VPS54: variants seen among roughly 807,000 people sequenced by gnomAD.
VPS54 encodes the protein vacuolar protein sorting-associated protein 54.
VPS54 carries 45 observed loss-of-function variants against 121.5 expected under a neutral mutation model. The observed-to-expected ratio is 0.37, with a 90% CI of 0.29 to 0.47. The LOEUF is 0.47. VPS54 is among the 20% of genes least tolerant of loss of function. VPS54 has a pLI of 0.99. For synonymous variants in VPS54, 371 were observed against 385.8 expected, an observed-to-expected ratio of 0.96 and a Z score of 0.45; for missense variants, 1,090 against 1,131.4, an observed-to-expected ratio of 0.96 and a Z score of 0.52.
At chr2:63,900,594 G>T (rs1163562640) in intron 20 of VPS54, among the ~76,000 whole-genome samples, 1 of 152,166 alleles carries the variant, frequency 6.6e-6, no homozygotes, top group African/African-American at 2.4e-5. Context: ...GTTCCAAAAA[G>T]TGGACAAGGA....
chr2:63,934,672 TAAAAAC>T (rs1674371322), intron 11 of VPS54, among the ~76,000 whole-genome samples: 1 of 150,646 alleles, frequency 6.6e-6, no homozygotes, highest in Non-Finnish European at 1.5e-5. Flanking sequence ...TGTAAAAAAA[TAAAAAC>T]AAAAAACAAA....
intron 6 of VPS54, among the ~76,000 whole-genome samples, chr2:63,965,114 T>TA (rs1675932972): frequency 6.6e-6 from 1 of 152,136 alleles, no homozygotes; most frequent in South Asian, 2.1e-4. Context: ...TAATCATCCC[T>TA]AGGTGAAAAT....
chr2:63,943,096 G>T (rs935971325), intron 10 of VPS54, among the ~76,000 whole-genome samples: 4 of 152,160 alleles, frequency 2.6e-5, no homozygotes, highest in African/African-American at 7.2e-5. Flanking sequence ...CCTACCTTAT[G>T]TGGTTGTTGT....
chr2:63,909,483 G>A (rs545535077), intron 20 of VPS54, among the ~76,000 whole-genome samples: 146 of 132,494 alleles, frequency 1.1e-3, no homozygotes, highest in African/African-American at 3.9e-3. Context: ...GTGCAGTGGC[G>A]TGATCTTGGC....
chr2:63,958,961 TTTC>T (rs1319379629), intron 7 of VPS54, among the ~76,000 whole-genome samples: 1 of 152,184 alleles, frequency 6.6e-6, no homozygotes, highest in African/African-American at 2.4e-5. Context: ...AAGTAGAATA[TTTC>T]TTATTTCCTA....
At chr2:63,939,757 T>C (rs1674633740) in intron 11 of VPS54, among the ~76,000 whole-genome samples, 1 of 140,856 alleles carries the variant, frequency 7.1e-6, no homozygotes, top group Admixed American at 7.6e-5. Flanking sequence ...TAAGTACATC[T>C]ACATCTTGCC....
At chr2:63,943,627 T>A (rs1237995399) in intron 10 of VPS54, among the ~76,000 whole-genome samples, 1 of 152,182 alleles carries the variant, frequency 6.6e-6, no homozygotes, top group Non-Finnish European at 1.5e-5. Flanking sequence ...CTAAAAACAT[T>A]TAAATATCCA....
chr2:63,964,768 T>C (rs530515292), intron 6 of VPS54, among the ~76,000 whole-genome samples: 2 of 152,328 alleles, frequency 1.3e-5, no homozygotes, highest in Admixed American at 6.5e-5. Context: ...CCTGATATTA[T>C]TGATGTCTTC....
At position 63,962,210 on chromosome 2, in the gene VPS54, T is replaced by C. The variant is rs1675802489; in HGVS notation, c.858A>G (p.Val286=). ...TGGCCATTAACTTCAGCTTATTGTATACTTTAACACAATTATTTCTGGTAA... is the reference window on the plus strand; with the variant it reads ...TGGCCATTAACTTCAGCTTATTGTACACTTTAACACAATTATTTCTGGTAA... The part of the protein sequence containing the change: ...LALTRNNCVK[V]YNKLKLMATV... The change falls in exon 7 of 23, where the codon GTA becomes GTG. Residue 286 remains valine (V), a synonymous_variant. Transcript: ENST00000272322. 1.2e-6 allele frequency: 2 copies of C among 1,613,948 alleles called. No individual in the cohort carries two copies. The highest frequency in any genetic ancestry group is 1.7e-6 in the Non-Finnish European group (2 of 1,179,922).
chr2:63,942,732 T>A (rs2104511286), intron 10 of VPS54, among the ~76,000 whole-genome samples, 171 bp from the exon 11 acceptor site: 1 of 152,270 alleles, frequency 6.6e-6, no homozygotes, highest in East Asian at 1.9e-4. Context: ...TATGGCTTAT[T>A]TAAATATTTT....
At chr2:63,949,561 G>C (rs756571545) in intron 7 of VPS54, among the ~76,000 whole-genome samples, 1 of 152,078 alleles carries the variant, frequency 6.6e-6, no homozygotes, top group Non-Finnish European at 1.5e-5. Flanking sequence ...TAAAGCTAGA[G>C]AAAATATGGT....
rs1675969982 is a variant in VPS54 at position 63,965,872 on chromosome 2, T to C, written c.587A>G (p.Asn196Ser). The change falls in exon 6 of 23, where the codon AAT becomes AGT. Residue 196 changes from asparagine (N) to serine (S), a missense_variant. Asn to Ser is a conservative substitution (Grantham distance 46). Around this residue, in one of 2 missense-constraint regions of VPS54, gnomAD observed 801 missense variants for 757.0 expected, o/e 1.06. Transcript: ENST00000272322. Reference protein sequence around the residue: ...SHFNTAGGKGNRDAASSKLLQ... With the variant: ...SHFNTAGGKGSRDAASSKLLQ... Reference sequence around the variant, plus strand: ...CAACTTTGAGGAAGCTGCATCACGATTTCCTTTTCCACCAGCAGTATTAAA... The same window carrying C: ...CAACTTTGAGGAAGCTGCATCACGACTTCCTTTTCCACCAGCAGTATTAAA... 2 of 1,612,628 alleles carry C rather than the reference T, an allele frequency of 1.2e-6. No homozygotes were observed. The highest frequency in any genetic ancestry group is 1.3e-5 in the African/African-American group (1 of 74,884).
intron 1 of VPS54, among the ~76,000 whole-genome samples, chr2:64,015,764 A>T (rs1032143043): frequency 4.3e-5 from 5 of 115,476 alleles, no homozygotes; most frequent in African/African-American, 1.4e-4. Flanking sequence ...TTTGGATTTA[A>T]AAAAATAAGA....
In VPS54 at chr2:63,962,058, C is replaced by T. The variant is rs533980399; in HGVS notation, c.1010G>A (p.Arg337Gln). The T allele has an allele frequency of 2.6e-6, 4 of 1,550,636 alleles. No individual in the cohort carries two copies. Among genetic ancestry groups the T allele is most frequent in the Non-Finnish European group, 3.5e-6 (4 of 1,142,996 alleles). ...CTAGTGGCTTACTTAATGAACATAC[C>T]GGAAACTGTGAATGCCCTGAAGTTC... ...QQELQGIHSF[R>Q]HLGSQLCELE... is the part of the protein sequence containing the mutation. Residue 337 changes from arginine (R) to glutamine (Q), a missense_variant and splice_region_variant, in exon 7 of 23, where the codon CGG (arginine) becomes CAG (glutamine). Coordinates refer to ENST00000272322, the MANE Select transcript of VPS54 (RefSeq NM_016516.3).
chr2:63,938,135 T>C (rs1029883600), intron 11 of VPS54, among the ~76,000 whole-genome samples: 6 of 151,236 alleles, frequency 4.0e-5, no homozygotes, highest in Non-Finnish European at 7.4e-5. Flanking sequence ...CATGTGTGCG[T>C]GGCTGTGTGT....
chr2:64,006,914 C>A (rs942266561), intron 1 of VPS54, among the ~76,000 whole-genome samples: 3 of 152,212 alleles, frequency 2.0e-5, no homozygotes, highest in Admixed American at 6.5e-5. Context: ...CCACCACGCC[C>A]GGCAAACATC....
rs527470733 is a variant in VPS54 at position 63,986,816 on chromosome 2, T to C, written c.-20-2797A>G. On this transcript the variant is annotated intron_variant, in intron 1 of 22. Transcript: ENST00000272322. Reference sequence around the variant, plus strand: ...GGGGTGAGATAGCTCATTGTACTTCTGATTTGCATTCCTCTGATGATAAAT... The same window carrying C: ...GGGGTGAGATAGCTCATTGTACTTCCGATTTGCATTCCTCTGATGATAAAT... Among the ~76,000 whole-genome samples the C allele has an allele frequency of 3.9e-5, 6 of 152,378 alleles. No homozygotes were observed. The East Asian group carries it at 1.2e-3, about 29-fold the overall frequency.
intron 7 of VPS54, among the ~76,000 whole-genome samples, chr2:63,956,377 C>A (rs778891032): frequency 6.6e-6 from 1 of 152,104 alleles, no homozygotes; most frequent in Non-Finnish European, 1.5e-5. Flanking sequence ...TGTTTTGCAT[C>A]TTTTCTTTCA....
At chr2:63,980,949 C>A (rs554871042) in intron 3 of VPS54, among the ~76,000 whole-genome samples, 1 of 151,596 alleles carries the variant, frequency 6.6e-6, no homozygotes, top group African/African-American at 2.4e-5. Context: ...TAAAAATGAA[C>A]CAGATGCTAT....
Sources: allele counts gnomAD v4.1 joint callset (sites outside exome capture counted in the v4.1 genomes callset), GRCh38; gene constraint gnomAD v4.1.1; regional missense constraint gnomAD v4.1.1; transcripts MANE v1.5; gene names NCBI Gene and HGNC (gene_info 2026-07-23, HGNC 2026-07-21).